NUDT21: variants seen among roughly 807,000 people sequenced by gnomAD.
NUDT21 encodes cleavage and polyadenylation specificity factor subunit 5.
In NUDT21, 5 loss-of-function variants were observed where a neutral mutation model predicts 29.8. That is an observed-to-expected ratio of 0.17 (90% CI 0.09 to 0.35). NUDT21 has a LOEUF of 0.35. Ranked by LOEUF, NUDT21 falls within the 10% of genes least tolerant of loss-of-function variation. NUDT21 has a pLI of 1.00. For synonymous variants in NUDT21, 113 were observed against 98.5 expected (o/e 1.15, Z -0.87); for missense variants, 76 against 276.0 (o/e 0.28, Z 5.13).
At chr16:56,446,585 A>G in intron 3 of NUDT21, 41 bp downstream of exon 3, 1 of 1,143,574 alleles carries the variant, frequency 8.7e-7, no homozygotes, top group Non-Finnish European at 1.3e-6. Context: ...CCAAATAACT[A>G]GTAAGTTGAT....
At chr16:56,446,335 T>G (rs1715541939) in intron 3 of NUDT21, among the ~76,000 whole-genome samples, 2 of 152,190 alleles carry the variant, frequency 1.3e-5, no homozygotes. Flanking sequence ...ACAGTTGTGG[T>G]GGTGATTAAA....
At position 56,447,848 on chromosome 16, in the gene NUDT21, T is replaced by A. The variant is rs1423690818; in HGVS notation, c.258A>T (p.Val86=). 1 of 1,614,176 alleles carries A rather than the reference T, an allele frequency of 6.2e-7. No homozygotes were observed. The highest frequency in any genetic ancestry group is 1.7e-5 in the Admixed American group (1 of 60,024). The change falls in exon 2 of 7, where the codon GTA becomes GTT. Residue 86 remains valine, a synonymous_variant. Coordinates refer to ENST00000300291, the MANE Select transcript of NUDT21 (RefSeq NM_007006.3). ...MRRTVEGVLI[V]HEHRLPHVLL... ...ACACATGGGGTAGCCGGTGCTCATG[T>A]ACAATCAGAACCCCTTCTACAGTCC...
Position 56,432,438 on chromosome 16 carries a change from T to C in NUDT21, c.*274A>G, listed in dbSNP as rs144181602. On this transcript the variant is annotated 3_prime_UTR_variant, in exon 7 of 7. Transcript: ENST00000300291. ...CTCACCTATAAGAATTTTAGAAGTT[T>C]AATGAGAAATTAAAATAAAAAAAGT... 8.0e-4 allele frequency: 250 copies of C among 313,992 alleles called. 2 individuals are homozygous for C. In the East Asian group the frequency reaches 0.013, roughly 16 times the overall value. 19.5% of individuals were successfully genotyped at this position (313,992 alleles called of 1,614,324 possible). A position where few individuals can be genotyped will look rare whatever the true frequency, so the allele number is the denominator to read the frequency against.
Position 56,429,161 on chromosome 16 carries a change from G to T in NUDT21, c.*3551C>A, listed in dbSNP as rs74246246. The T allele has an allele frequency of 1.3e-5, 2 of 152,084 alleles. No individual in the cohort carries two copies. Among genetic ancestry groups the T allele is most frequent in the African/African-American group, 4.8e-5 (2 of 41,418 alleles). 9.4% of individuals were successfully genotyped at this position (152,084 alleles called of 1,614,324 possible). A position where few individuals can be genotyped will look rare whatever the true frequency, so the allele number is the denominator to read the frequency against. On this transcript the variant is annotated 3_prime_UTR_variant, in exon 7 of 7. Coordinates refer to ENST00000300291, the MANE Select transcript of NUDT21 (RefSeq NM_007006.3). ...TCTTTCAAATATTTTTTATTGAAAT[G>T]ACAATAAAATAAAAAAAGAACAGTG...
intron 2 of NUDT21, among the ~76,000 whole-genome samples, chr16:56,447,490 G>C (rs543766052): frequency 6.6e-6 from 1 of 152,316 alleles, no homozygotes; most frequent in East Asian, 1.9e-4. Flanking sequence ...AATATCAATT[G>C]TTCTTGGTAA....
intron 4 of NUDT21, 111 bp from the exon 5 acceptor site, chr16:56,434,940 C>T (rs2143933082): frequency 1.5e-6 from 1 of 662,780 alleles, no homozygotes; most frequent in Non-Finnish European, 2.6e-6. Context: ...TACTTTCTGT[C>T]CTCTTTACCA....
In NUDT21 at chr16:56,432,737, A is replaced by G. The variant is rs765424594; in HGVS notation, c.663-4T>C. ...TCAGTTGTAAATAAAATTGAACCTGAATTTTAAAAAGAACAATACCTTTAT... is the reference window on the plus strand; with the variant it reads ...TCAGTTGTAAATAAAATTGAACCTGGATTTTAAAAAGAACAATACCTTTAT... On this transcript the variant is annotated splice_polypyrimidine_tract_variant and splice_region_variant and intron_variant, in intron 6 of 6. Transcript: ENST00000300291. 3.7e-6 allele frequency: 6 copies of G among 1,602,688 alleles called. No homozygotes were observed. Among genetic ancestry groups the G allele is most frequent in the Non-Finnish European group, 5.1e-6 (6 of 1,171,190 alleles).
chr16:56,443,557 T>G (rs1325802492), intron 3 of NUDT21, among the ~76,000 whole-genome samples: 1 of 152,224 alleles, frequency 6.6e-6, no homozygotes, highest in African/African-American at 2.4e-5. Flanking sequence ...TGTTGAAATT[T>G]GATCCCCAAT....
At chr16:56,441,796 A>G (rs1256739296) in intron 3 of NUDT21, among the ~76,000 whole-genome samples, 6 of 152,324 alleles carry the variant, frequency 3.9e-5, no homozygotes, top group Admixed American at 3.3e-4. Context: ...TTCCTTTGCT[A>G]TCACTAAATT....
At chr16:56,446,871 C>T in intron 2 of NUDT21, 182 bp from the exon 3 acceptor site, 1 of 493,772 alleles carries the variant, frequency 2.0e-6, no homozygotes, top group Non-Finnish European at 3.6e-6. Flanking sequence ...CCCAGACTAA[C>T]AGTATACAAA....
Position 56,434,813 on chromosome 16 carries a change from G to A in NUDT21, c.488C>T (p.Ala163Val). Residue 163 changes from alanine (A) to valine (V), a missense_variant, in exon 5 of 7, where the codon GCA becomes GTA. Ala to Val is a moderately conservative substitution (Grantham distance 64). This residue lies in a region of NUDT21 where 13 missense variants were observed against 16.6 expected (regional missense o/e 0.79). Coordinates refer to ENST00000300291, the MANE Select transcript of NUDT21 (RefSeq NM_007006.3). Reference sequence around the variant, plus strand: ...ATGTTCCTTAGGCTTTGTAATATGTGCAGGAATATATGGATACTGAAATTA... The same window carrying A: ...ATGTTCCTTAGGCTTTGTAATATGTACAGGAATATATGGATACTGAAATTA... ...FEPPQYPYIPAHITKPKEHKK... is the reference protein window; with the variant it reads ...FEPPQYPYIPVHITKPKEHKK... 1 of 1,585,348 alleles carries A rather than the reference G, an allele frequency of 6.3e-7. No homozygotes were observed. Among genetic ancestry groups the A allele is most frequent in the Non-Finnish European group, 8.6e-7 (1 of 1,156,400 alleles).
intron 4 of NUDT21, among the ~76,000 whole-genome samples, chr16:56,438,308 T>A (rs1259187231): frequency 6.6e-6 from 1 of 152,232 alleles, no homozygotes; most frequent in African/African-American, 2.4e-5. Context: ...GCCAGCTGCC[T>A]GAGAGTTGTC....
In NUDT21 at chr16:56,432,479, T is replaced by C. The variant is rs1047016434; in HGVS notation, c.*233A>G. On this transcript the variant is annotated 3_prime_UTR_variant, in exon 7 of 7. Coordinates refer to ENST00000300291, the MANE Select transcript of NUDT21 (RefSeq NM_007006.3). ...TAAAAAAAGTCCATTTTCTTTAATG[T>C]TGTACAAAAAAGTATGAGCAGAACC... is the stretch of plus-strand genomic sequence containing the variant. 5.0e-6 allele frequency: 2 copies of C among 396,928 alleles called. No homozygotes were observed. Among genetic ancestry groups the C allele is most frequent in the Non-Finnish European group, 9.2e-6 (2 of 216,914 alleles). 24.6% of individuals were successfully genotyped at this position (396,928 alleles called of 1,614,324 possible).
chr16:56,444,419 A>G (rs1170935150), intron 3 of NUDT21, among the ~76,000 whole-genome samples: 1 of 151,914 alleles, frequency 6.6e-6, no homozygotes, highest in African/African-American at 2.4e-5. Context: ...CCCCATCTCT[A>G]CTAAAAATAT....
At chr16:56,433,990 T>G (rs1048683604) in intron 6 of NUDT21, among the ~76,000 whole-genome samples, 1 of 152,194 alleles carries the variant, frequency 6.6e-6, no homozygotes, top group African/African-American at 2.4e-5. Flanking sequence ...TCCAGCCAAT[T>G]TGCCACATTT....
At chr16:56,449,779 C>A (rs1962261496) in intron 1 of NUDT21, among the ~76,000 whole-genome samples, 1 of 152,048 alleles carries the variant, frequency 6.6e-6, no homozygotes, top group South Asian at 2.1e-4. Flanking sequence ...TGGATTTTTT[C>A]TTAATTTTTA....
intron 4 of NUDT21, among the ~76,000 whole-genome samples, chr16:56,436,358 T>C (rs2143935066): frequency 6.6e-6 from 1 of 152,338 alleles, no homozygotes; most frequent in Middle Eastern, 3.4e-3. Flanking sequence ...TCAGCCAAGT[T>C]GTGAAGCCAA....
intron 1 of NUDT21, 101 bp from the exon 2 acceptor site, chr16:56,448,090 A>G: frequency 7.4e-6 from 7 of 949,758 alleles, no homozygotes; most frequent in East Asian, 2.6e-5. Context: ...AAGTGCATAT[A>G]TTGTACTCAG....
intron 6 of NUDT21, among the ~76,000 whole-genome samples, chr16:56,433,620 TG>T (rs1253559722): frequency 7.2e-5 from 11 of 152,202 alleles, no homozygotes; most frequent in African/African-American, 2.7e-4. Flanking sequence ...AGCCTCAATT[TG>T]GGCCAAAATA....
Sources: allele counts gnomAD v4.1 joint callset (sites outside exome capture counted in the v4.1 genomes callset), GRCh38; gene constraint gnomAD v4.1.1; regional missense constraint gnomAD v4.1.1; transcripts MANE v1.5; gene names NCBI Gene and HGNC (gene_info 2026-07-23, HGNC 2026-07-21).